The following VRK2 variants were observed in gnomAD, a reference collection of about 807,000 sequenced individuals.
VRK2 encodes serine/threonine-protein kinase VRK2.
Under a neutral mutation model 57.6 loss-of-function variants are expected in VRK2, and 60 were observed. That is an observed-to-expected ratio of 1.04 (90% CI 0.85 to 1.29). The LOEUF (loss-of-function observed/expected upper bound fraction) is 1.29, where lower values mean the gene tolerates loss of function less well. Ranked by LOEUF, VRK2 falls within the 50% of genes most tolerant of loss-of-function variation. VRK2 has a pLI of 0.00. For missense variants in VRK2, 705 were observed against 588.1 expected, an observed-to-expected ratio of 1.20 and a Z score of -2.06; for synonymous variants, 231 against 199.2, an observed-to-expected ratio of 1.16 and a Z score of -1.35.
At chr2:57,968,422 C>G (rs137979930) in intron 1 of VRK2, among the ~76,000 whole-genome samples, 1 of 152,094 alleles carries the variant, frequency 6.6e-6, no homozygotes, top group Non-Finnish European at 1.5e-5. Flanking sequence ...AGATACTTAT[C>G]AAAACATATT....
At chr2:58,028,410 T>C (rs1224412094) in intron 2 of VRK2, 1 of 152,146 alleles carries the variant, frequency 6.6e-6, no homozygotes, top group Admixed American at 6.6e-5. Flanking sequence ...TGAGTAGTGC[T>C]GCAATAAACA....
chr2:58,120,949 C>G (rs1248153186), intron 7 of VRK2, among the ~76,000 whole-genome samples: 2 of 152,208 alleles, frequency 1.3e-5, no homozygotes, highest in South Asian at 2.1e-4. Flanking sequence ...AGTTCAAACT[C>G]TCATCTATAT....
chr2:57,998,085 G>T (rs1314203771), intron 1 of VRK2, among the ~76,000 whole-genome samples: 1 of 152,054 alleles, frequency 6.6e-6, no homozygotes, highest in African/African-American at 2.4e-5. Flanking sequence ...TTTTAAAAAA[G>T]AATTAGGGAA....
At chr2:58,098,869 T>C (rs1673540488) in intron 7 of VRK2, among the ~76,000 whole-genome samples, 1 of 152,102 alleles carries the variant, frequency 6.6e-6, no homozygotes, top group Non-Finnish European at 1.5e-5. Context: ...AGGCATTATG[T>C]TGTATGCTTT....
chr2:58,108,943 T>C (rs1212572998), intron 7 of VRK2, among the ~76,000 whole-genome samples: 2 of 152,210 alleles, frequency 1.3e-5, no homozygotes, highest in African/African-American at 4.8e-5. Context: ...TCTCAAAAGA[T>C]CTTAAAATAA....
intron 1 of VRK2, among the ~76,000 whole-genome samples, chr2:58,007,298 T>G (rs1673278194): frequency 6.6e-6 from 1 of 151,924 alleles, no homozygotes; most frequent in Non-Finnish European, 1.5e-5. Context: ...TATGTATATG[T>G]AATTGATTCT....
intron 2 of VRK2, among the ~76,000 whole-genome samples, chr2:58,061,699 G>T (rs1212914910): frequency 6.6e-6 from 1 of 151,982 alleles, no homozygotes; most frequent in African/African-American, 2.4e-5. Context: ...AAGTGAAAAT[G>T]TAATGATAGA....
At chr2:58,130,186 T>C (rs1465062458) in intron 8 of VRK2, among the ~76,000 whole-genome samples, 1 of 152,178 alleles carries the variant, frequency 6.6e-6, no homozygotes, top group Non-Finnish European at 1.5e-5. Context: ...AAAGGGCCTC[T>C]TGTGTGTAGC....
chr2:58,155,055 C>T (rs1016100610), intron 12 of VRK2, among the ~76,000 whole-genome samples: 4 of 151,926 alleles, frequency 2.6e-5, no homozygotes, highest in Non-Finnish European at 1.5e-5. Flanking sequence ...TGACGGTCTG[C>T]CTGGTTGAAT....
At chr2:58,137,694 A>T (rs1341124215) in intron 10 of VRK2, among the ~76,000 whole-genome samples, 1 of 152,160 alleles carries the variant, frequency 6.6e-6, no homozygotes, top group East Asian at 1.9e-4. Flanking sequence ...TACATGTCCA[A>T]CTAAGCATAA....
intron 1 of VRK2, among the ~76,000 whole-genome samples, chr2:57,932,862 C>T (rs905019746): frequency 6.6e-6 from 1 of 152,080 alleles, no homozygotes; most frequent in East Asian, 1.9e-4. Context: ...TTGCTGCATT[C>T]CATAATTTTG....
intron 1 of VRK2, among the ~76,000 whole-genome samples, chr2:58,002,220 C>T (rs1477109368): frequency 6.6e-6 from 1 of 152,180 alleles, no homozygotes; most frequent in African/African-American, 2.4e-5. Context: ...GTGGTTCACG[C>T]CTGTAATCCC....
At chr2:58,042,188 A>G (rs1289145265), upstream of VRK2, among the ~76,000 whole-genome samples, 1 of 152,162 alleles carries the variant, frequency 6.6e-6, no homozygotes, top group Non-Finnish European at 1.5e-5. Flanking sequence ...TAATATTCTA[A>G]TTCTTCATTT....
At chr2:58,123,064 C>T (rs1365016298) in intron 7 of VRK2, 37 bp from the exon 8 acceptor site, 4 of 1,576,354 alleles carry the variant, frequency 2.5e-6, no homozygotes, top group Admixed American at 2.0e-5. Flanking sequence ...TTTCAGAGGA[C>T]AAAGGCATTA....
rs1674167666 is a variant in VRK2 at position 58,033,146 on chromosome 2, C to A, written c.-332-81C>A. 3 of 152,170 alleles carry A rather than the reference C, an allele frequency of 2.0e-5. No individual in the cohort carries two copies. The South Asian group carries it at 6.2e-4, about 32-fold the overall frequency. 9.4% of individuals were successfully genotyped at this position (152,170 alleles called of 1,614,324 possible). ...TGTTTGCTTTTATGCATAAGGATAA[C>A]TTGACTGTGTTTTGAATTTTTAAGC... On this transcript the variant is annotated intron_variant, in intron 2 of 15. Transcript: ENST00000417641.
intron 7 of VRK2, among the ~76,000 whole-genome samples, chr2:58,118,113 G>A (rs1254626893): frequency 1.3e-5 from 2 of 152,086 alleles, no homozygotes; most frequent in African/African-American, 4.8e-5. Flanking sequence ...CAGAAAAGTG[G>A]GACTTGCCAC....
At chr2:57,950,860 G>A (rs752908302) in intron 1 of VRK2, among the ~76,000 whole-genome samples, 10 of 152,136 alleles carry the variant, frequency 6.6e-5, no homozygotes, top group African/African-American at 1.4e-4. Context: ...TTGAGAGGCT[G>A]AGGCGGGTGG....
At position 57,992,447 on chromosome 2, in the gene VRK2, T is replaced by C. The variant is rs183708237; in HGVS notation, c.-438-33218T>C. 7.6e-4 allele frequency among the ~76,000 whole-genome samples: 116 copies of C among 152,330 alleles called. 1 individual carries two copies. The highest frequency in any genetic ancestry group is 4.1e-4 in the Non-Finnish European group (28 of 68,024). ...TACCAAGGTATGACTATCTCAGTTG[T>C]TTTACAGTGAAAGAGAAATAAATCA... On this transcript the variant is annotated intron_variant, in intron 1 of 15. Coordinates refer to the VRK2 transcript ENST00000417641.
At chr2:57,921,551 T>A (rs376430879) in intron 1 of VRK2, among the ~76,000 whole-genome samples, 1 of 152,002 alleles carries the variant, frequency 6.6e-6, no homozygotes, top group East Asian at 1.9e-4. Context: ...AATTATATAA[T>A]AATGAGCATA....
Sources: gnomAD v4.1 joint callset for allele counts (sites outside exome capture counted in the v4.1 genomes callset) on GRCh38, gnomAD v4.1.1 for gene constraint, MANE v1.5 for transcripts, NCBI Gene and HGNC (gene_info 2026-07-23, HGNC 2026-07-21) for gene names.